Variants in ERBB4 observed in about 807,000 individuals in gnomAD.
ERBB4 encodes erb-b2 receptor tyrosine kinase 4, also known as receptor tyrosine-protein kinase erbB-4.
In ERBB4, 42 loss-of-function variants were observed where a neutral mutation model predicts 158.0. The ratio of observed to expected loss-of-function variants is 0.27; its 90% CI spans 0.21 to 0.34. The LOEUF is 0.34. Ranked by LOEUF, ERBB4 falls within the 10% of genes least tolerant of loss-of-function variation. The pLI is 1.00. For missense variants in ERBB4, 1,333 were observed against 1,624.1 expected (o/e 0.82, Z 3.08); for synonymous variants, 583 against 558.7 (o/e 1.04, Z -0.61).
intron 3 of ERBB4, among the ~76,000 whole-genome samples, chr2:211,856,379 T>C (rs1408664592): frequency 7.0e-6 from 1 of 143,660 alleles, no homozygotes; most frequent in Non-Finnish European, 1.5e-5. Context: ...TTTATTTATT[T>C]ATTTATTTAT....
intron 2 of ERBB4, among the ~76,000 whole-genome samples, chr2:211,979,030 G>A (rs2125225685): frequency 6.6e-6 from 1 of 152,256 alleles, no homozygotes; most frequent in African/African-American, 2.4e-5. Context: ...AGAAAAATGA[G>A]TGTTTCAGAA....
At chr2:212,445,724 C>A in intron 1 of ERBB4, among the ~76,000 whole-genome samples, 1 of 152,118 alleles carries the variant, frequency 6.6e-6, no homozygotes, top group East Asian at 1.9e-4. Flanking sequence ...TACAAATGGT[C>A]CAGACCCCGC....
chr2:211,959,274 T>A (rs2081113752), intron 2 of ERBB4, among the ~76,000 whole-genome samples: 1 of 152,092 alleles, frequency 6.6e-6, no homozygotes, highest in Non-Finnish European at 1.5e-5. Context: ...CGGTGGTTAC[T>A]TCCTTTATCA....
intron 2 of ERBB4, among the ~76,000 whole-genome samples, chr2:212,011,542 T>TG (rs1292556042): frequency 1.3e-5 from 2 of 151,900 alleles, no homozygotes; most frequent in Non-Finnish European, 2.9e-5. Flanking sequence ...CCTGAGGTCA[T>TG]GAGTTCAAGA....
At chr2:211,505,638 T>G (rs2065726444) in intron 20 of ERBB4, among the ~76,000 whole-genome samples, 1 of 152,020 alleles carries the variant, frequency 6.6e-6, no homozygotes, top group East Asian at 1.9e-4. Context: ...TAACAAAGAA[T>G]GTAAACAGCC....
chr2:211,594,304 A>C (rs2068564386), intron 19 of ERBB4, among the ~76,000 whole-genome samples: 1 of 151,956 alleles, frequency 6.6e-6, no homozygotes, highest in South Asian at 2.1e-4. Flanking sequence ...CCGGGCGTGG[A>C]AGCGTGCACC....
At chr2:212,372,380 A>G (rs1158344195) in intron 1 of ERBB4, among the ~76,000 whole-genome samples, 1 of 152,156 alleles carries the variant, frequency 6.6e-6, no homozygotes, top group African/African-American at 2.4e-5. Flanking sequence ...CTATTGGCCT[A>G]AGACAATTAA....
chr2:212,402,353 G>A (rs750419950), intron 1 of ERBB4, among the ~76,000 whole-genome samples: 2 of 152,010 alleles, frequency 1.3e-5, no homozygotes, highest in Non-Finnish European at 2.9e-5. Flanking sequence ...ACAGGTTAGG[G>A]ATTGGGCGGG....
chr2:212,375,224 C>T (rs1231190132), intron 1 of ERBB4, among the ~76,000 whole-genome samples: 3 of 151,964 alleles, frequency 2.0e-5, no homozygotes, highest in East Asian at 1.9e-4. Flanking sequence ...GAGAAATCCC[C>T]CAAAGTTTAG....
At chr2:211,730,033 A>T (rs1396214515) in intron 5 of ERBB4, among the ~76,000 whole-genome samples, 3 of 152,018 alleles carry the variant, frequency 2.0e-5, no homozygotes, top group African/African-American at 7.2e-5. Context: ...GACGGGTAAC[A>T]TTTAAGGAAT....
chr2:212,397,146 A>G (rs1011023146), intron 1 of ERBB4, among the ~76,000 whole-genome samples: 22 of 152,068 alleles, frequency 1.4e-4, no homozygotes, highest in Non-Finnish European at 2.4e-4. Context: ...TTGTCCTGTA[A>G]TATAGTTATA....
chr2:212,405,214 G>A (rs1434943738), intron 1 of ERBB4, among the ~76,000 whole-genome samples: 3 of 151,970 alleles, frequency 2.0e-5, no homozygotes, highest in Admixed American at 2.0e-4. Flanking sequence ...AGACATACAT[G>A]CGGCCAACAA....
intron 1 of ERBB4, among the ~76,000 whole-genome samples, chr2:212,215,079 G>T (rs1217876933): frequency 6.6e-6 from 1 of 151,604 alleles, no homozygotes; most frequent in Non-Finnish European, 1.5e-5. Context: ...TGATAACTTT[G>T]AGGGGAAGAG....
intron 1 of ERBB4, among the ~76,000 whole-genome samples, chr2:212,169,947 G>T (rs555313721): frequency 6.6e-6 from 1 of 152,102 alleles, no homozygotes; most frequent in African/African-American, 2.4e-5. Context: ...AAATTACCCA[G>T]TCTCAGGTAT....
chr2:211,629,819 G>T (rs2070031681), intron 17 of ERBB4, among the ~76,000 whole-genome samples: 1 of 152,072 alleles, frequency 6.6e-6, no homozygotes, highest in Non-Finnish European at 1.5e-5. Flanking sequence ...TTTAATAAAT[G>T]GTGCTGGGAA....
At chr2:212,295,110 C>T (rs1425358620) in intron 1 of ERBB4, among the ~76,000 whole-genome samples, 1 of 152,048 alleles carries the variant, frequency 6.6e-6, no homozygotes, top group Non-Finnish European at 1.5e-5. Context: ...AGTTTGTAAT[C>T]GAGCTATAAA....
intron 3 of ERBB4, among the ~76,000 whole-genome samples, chr2:211,835,026 A>G (rs1046726867): frequency 6.6e-6 from 1 of 152,152 alleles, no homozygotes; most frequent in Non-Finnish European, 1.5e-5. Flanking sequence ...ACAATCCTTT[A>G]CTGAGAGATC....
At chr2:212,423,943 A>G (rs2091852392) in intron 1 of ERBB4, among the ~76,000 whole-genome samples, 1 of 152,174 alleles carries the variant, frequency 6.6e-6, no homozygotes, top group African/African-American at 2.4e-5. Context: ...AAAGTTTATT[A>G]TTAAAACCTA....
intron 1 of ERBB4, among the ~76,000 whole-genome samples, chr2:212,153,539 T>C (rs1426940870): frequency 3.3e-5 from 5 of 152,148 alleles, no homozygotes; most frequent in Non-Finnish European, 5.9e-5. Flanking sequence ...ATAAATCTCA[T>C]GGAAAGGAAA....
Sources: allele counts gnomAD v4.1 joint callset (sites outside exome capture counted in the v4.1 genomes callset), GRCh38; gene constraint gnomAD v4.1.1; transcripts MANE v1.5; gene names NCBI Gene and HGNC (gene_info 2026-07-23, HGNC 2026-07-21).